The following INPP5D variants were observed in gnomAD, a reference collection of about 807,000 sequenced individuals.
INPP5D encodes inositol polyphosphate-5-phosphatase D.
INPP5D carries 33 observed loss-of-function variants against 122.9 expected under a neutral mutation model. That is an observed-to-expected ratio of 0.27 (90% CI 0.20 to 0.36). INPP5D has a LOEUF of 0.36. INPP5D is among the 10% of genes least tolerant of loss of function. The pLI is 1.00. For synonymous variants in INPP5D, 584 were observed against 576.2 expected (o/e 1.01, Z -0.19); for missense variants, 1,053 against 1,412.7 (o/e 0.75, Z 4.08).
At chr2:233,086,125 C>CTTTT (rs1020322966) in intron 2 of INPP5D, among the ~76,000 whole-genome samples, 1 of 91,624 alleles carries the variant, frequency 1.1e-5, no homozygotes, top group South Asian at 4.4e-4. Context: ...TAGCCTCTTT[C>CTTTT]TTTCTTTCTT....
At chr2:233,125,971 AG>A in intron 4 of INPP5D, 52 bp downstream of exon 4, 1 of 1,559,756 alleles carries the variant, frequency 6.4e-7, no homozygotes, top group Admixed American at 1.8e-5. Context: ...GAGCCCAGCC[AG>A]GGCAGGGCTG....
intron 13 of INPP5D, among the ~76,000 whole-genome samples, chr2:233,167,207 C>CAAAAA (rs565735597): frequency 3.3e-4 from 34 of 102,160 alleles, no homozygotes; most frequent in East Asian, 9.7e-4. Flanking sequence ...ACCATTTCTA[C>CAAAAA]AAAAAAAAAA....
rs1220067575 is a variant in INPP5D, at chr2:233,206,245, C to T, written c.3568-461C>T. Among the ~76,000 whole-genome samples the T allele has an allele frequency of 6.6e-6, 1 of 151,786 alleles. No homozygotes were observed. The highest frequency in any genetic ancestry group is 1.9e-4 in the East Asian group (1 of 5,202). ...ATTGTAGGCTATTATGTATTATTAC[C>T]ATGTATTATCATCTATATAGAAATT... is the stretch of plus-strand genomic sequence containing the variant. On this transcript the variant is annotated intron_variant, in intron 26 of 26. Coordinates refer to ENST00000445964, the MANE Select transcript of INPP5D (RefSeq NM_001017915.3). The surrounding 1 kb of genome is among the most constrained non-coding windows in gnomAD (Gnocchi z 4.0).
intron 2 of INPP5D, among the ~76,000 whole-genome samples, chr2:233,117,873 A>G (rs868652811): frequency 2.6e-5 from 4 of 152,184 alleles, no homozygotes; most frequent in Admixed American, 1.3e-4. Context: ...CCCCAGTCCC[A>G]GATGCATGGA....
Position 233,170,925 on chromosome 2 carries a change from G to C in INPP5D, c.1901-139G>C, listed in dbSNP as rs1574783838. On this transcript the variant is annotated intron_variant, in intron 16 of 26. Coordinates refer to ENST00000445964, the MANE Select transcript of INPP5D (RefSeq NM_001017915.3). This position sits in a 1 kb window ranked among gnomAD's most constrained non-coding sequence, Gnocchi z 4.5. ...CGTCTCAAAAAAAAAAAAAAAAAAAGCAGCAGCCTCTCCTCTTGGAGCCTT... is the reference window on the plus strand; with the variant it reads ...CGTCTCAAAAAAAAAAAAAAAAAAACCAGCAGCCTCTCCTCTTGGAGCCTT... 1.3e-6 allele frequency: 1 copy of C among 752,314 alleles called. No individual in the cohort carries two copies. The highest frequency in any genetic ancestry group is 1.9e-6 in the Non-Finnish European group (1 of 520,520). 46.6% of individuals were successfully genotyped at this position (752,314 alleles called of 1,614,324 possible).
At chr2:233,173,661 G>A (rs987778716) in intron 17 of INPP5D, among the ~76,000 whole-genome samples, 2 of 151,980 alleles carry the variant, frequency 1.3e-5, no homozygotes, top group South Asian at 2.1e-4. Context: ...GCTGGGCACC[G>A]TGGCTTATGC....
chr2:233,176,457 G>A (rs1422466865), intron 17 of INPP5D, among the ~76,000 whole-genome samples: 10 of 132,262 alleles, frequency 7.6e-5, no homozygotes, highest in Middle Eastern at 4.1e-3. Flanking sequence ...GGGTGGATAG[G>A]TGGATGGATG....
intron 11 of INPP5D, among the ~76,000 whole-genome samples, chr2:233,162,235 C>CAG (rs921727818): frequency 5.7e-5 from 4 of 69,588 alleles, no homozygotes; most frequent in Non-Finnish European, 2.2e-4. Flanking sequence ...AGGAGAGAGA[C>CAG]AGAGAGAGAC....
rs13408498 is a variant in INPP5D at position 233,206,296 on chromosome 2, T to C, written c.3568-410T>C. Among the ~76,000 whole-genome samples the C allele has an allele frequency of 0.21, 32,276 of 151,426 alleles. 3,613 individuals carry two copies. Among genetic ancestry groups the C allele is most frequent in the East Asian group, 0.36 (1,878 of 5,166 alleles). ...ATATATTTATATTTATGTATTTACA[T>C]TGATATCCATTACATATCATTTCAT... On this transcript the variant is annotated intron_variant, in intron 26 of 26. Coordinates refer to ENST00000445964, the MANE Select transcript of INPP5D (RefSeq NM_001017915.3). This position sits in a 1 kb window ranked among gnomAD's most constrained non-coding sequence, Gnocchi z 4.0.
intron 13 of INPP5D, chr2:233,169,052 C>T (rs1010234108): frequency 7.5e-5 from 36 of 477,472 alleles, no homozygotes; most frequent in Non-Finnish European, 1.2e-4. Flanking sequence ...AGAGAGATGC[C>T]GGGGGAGGAT....
At position 233,085,467 on chromosome 2, in the gene INPP5D, G is replaced by A. The variant is rs1691806705; in HGVS notation, c.198+6069G>A. 3.9e-5 allele frequency among the ~76,000 whole-genome samples: 6 copies of A among 152,010 alleles called. No individual in the cohort carries two copies. In the South Asian group the frequency reaches 1.2e-3, roughly 32 times the overall value. ...CCAAACTTGTGCTGGTTCCTATAGA[G>A]GCGACCCATTTTTTTCTTTTTTTCT... On this transcript the variant is annotated intron_variant, in intron 2 of 26. Transcript: ENST00000445964.
chr2:233,118,711 A>G (rs73101569), intron 2 of INPP5D, among the ~76,000 whole-genome samples: 1,983 of 152,222 alleles, frequency 0.013, 46 homozygotes, highest in African/African-American at 0.046. Flanking sequence ...GTCCCTGTGG[A>G]TCTGCTTCCT....
chr2:233,158,715 A>G (rs972660510), intron 10 of INPP5D, among the ~76,000 whole-genome samples: 2 of 152,170 alleles, frequency 1.3e-5, no homozygotes, highest in African/African-American at 2.4e-5. Flanking sequence ...CCTGGGGGAA[A>G]GGCTTTCAGC....
intron 1 of INPP5D, among the ~76,000 whole-genome samples, chr2:233,070,600 C>A (rs921628202): frequency 1.3e-5 from 2 of 152,084 alleles, no homozygotes; most frequent in African/African-American, 4.8e-5. Context: ...CGCCACCATG[C>A]CCAGCTAATT....
intron 9 of INPP5D, among the ~76,000 whole-genome samples, chr2:233,155,644 AAATAAATAAATAAAT>A (rs769274095): frequency 0.26 from 4,810 of 18,628 alleles, 139 homozygotes; most frequent in East Asian, 0.52. Context: ...ATAAATAAAT[AAATAAATAAATAAAT>A]AATAAATAAA....
At chr2:233,203,681 G>C (rs542805594) in intron 25 of INPP5D, among the ~76,000 whole-genome samples, 1 of 152,124 alleles carries the variant, frequency 6.6e-6, no homozygotes, top group Non-Finnish European at 1.5e-5. Flanking sequence ...TGCTTGAAGC[G>C]AAGAGTTCAA....
chr2:233,096,991 A>C (rs879287404), intron 2 of INPP5D, among the ~76,000 whole-genome samples: 8 of 152,200 alleles, frequency 5.3e-5, no homozygotes, highest in African/African-American at 1.9e-4. Context: ...TTCTTCTAAC[A>C]ATTTTTAATG....
chr2:233,081,957 C>T (rs1691703450), intron 2 of INPP5D, among the ~76,000 whole-genome samples: 2 of 152,160 alleles, frequency 1.3e-5, no homozygotes, highest in African/African-American at 4.8e-5. Flanking sequence ...AGCAGGTACC[C>T]CCCTCTGCCT....
rs570845332 is a variant in INPP5D, at chr2:233,094,868, A to G, written c.198+15470A>G. ...AAATGCTCTGGAGGGCAAATTGCCA[A>G]TGTCTATCAACATCCGTAATGTCTG... is the stretch of plus-strand genomic sequence containing the variant. On this transcript the variant is annotated intron_variant, in intron 2 of 26. Coordinates refer to ENST00000445964, the MANE Select transcript of INPP5D (RefSeq NM_001017915.3). 5.7e-4 allele frequency among the ~76,000 whole-genome samples: 87 copies of G among 152,332 alleles called. 1 individual carries two copies. The highest frequency in any genetic ancestry group is 1.9e-3 in the African/African-American group (77 of 41,578).
Sources: gnomAD v4.1 joint callset for allele counts (sites outside exome capture counted in the v4.1 genomes callset) on GRCh38, gnomAD v4.1.1 for gene constraint, Gnocchi (gnomAD v3.1) non-coding constraint, MANE v1.5 for transcripts, NCBI Gene and HGNC (gene_info 2026-07-23, HGNC 2026-07-21) for gene names.